Variants in LCORL observed in about 807,000 individuals in gnomAD.
LCORL encodes ligand-dependent nuclear receptor corepressor-like protein.
LCORL carries 41 observed loss-of-function variants against 141.8 expected under a neutral mutation model. That is an observed-to-expected ratio of 0.29 (90% CI 0.23 to 0.38). LCORL has a LOEUF of 0.38. Among genes scored for constraint, LCORL ranks in the 10% least tolerant of loss-of-function variants. LCORL has a pLI of 1.00. For synonymous variants in LCORL, 618 were observed against 694.1 expected (o/e 0.89, Z 1.72); for missense variants, 1,759 against 2,035.0 (o/e 0.86, Z 2.61).
exon 8 of LCORL, chr4:17,841,430 T>C (rs938723861): frequency 1.3e-5 from 2 of 152,016 alleles, no homozygotes; most frequent in African/African-American, 2.4e-5. Context: ...GTAAATTATT[T>C]AAATACCAAT....
At chr4:17,969,651 T>C (rs560143336) in intron 2 of LCORL, among the ~76,000 whole-genome samples, 23 of 152,172 alleles carry the variant, frequency 1.5e-4, no homozygotes, top group Admixed American at 4.6e-4. Context: ...AATTATATTA[T>C]CCTGAAGGAT....
intron 4 of LCORL, among the ~76,000 whole-genome samples, chr4:17,919,992 T>C (rs1435610607): frequency 2.0e-5 from 3 of 152,170 alleles, no homozygotes; most frequent in Admixed American, 6.5e-5. Context: ...AGGGAGGGCA[T>C]GGAAGCTCCA....
At chr4:17,869,856 C>A (rs897161655) in intron 7 of LCORL, among the ~76,000 whole-genome samples, 1 of 152,198 alleles carries the variant, frequency 6.6e-6, no homozygotes, top group Non-Finnish European at 1.5e-5. Flanking sequence ...CTTAGTAGAT[C>A]TTACTATCCT....
chr4:17,919,782 T>C (rs967512065), intron 4 of LCORL, among the ~76,000 whole-genome samples: 6 of 152,168 alleles, frequency 3.9e-5, no homozygotes, highest in Admixed American at 3.9e-4. Flanking sequence ...CCTGCCCTCC[T>C]TTCACCTGCC....
chr4:17,994,270 T>G (rs981953912), intron 1 of LCORL, among the ~76,000 whole-genome samples: 2 of 152,214 alleles, frequency 1.3e-5, no homozygotes, highest in African/African-American at 4.8e-5. Context: ...TGCTATTTTG[T>G]TTTATAATAT....
intron 4 of LCORL, among the ~76,000 whole-genome samples, chr4:17,943,761 C>A (rs1022879868): frequency 8.5e-5 from 13 of 152,172 alleles, no homozygotes; most frequent in Non-Finnish European, 1.6e-4. Context: ...ATAAAGAATA[C>A]AGAATCATAG....
At chr4:17,877,326 C>A (rs778277153) in exon 7 of LCORL, 9 of 1,229,316 alleles carry the variant, frequency 7.3e-6, no homozygotes, top group Non-Finnish European at 9.1e-6. Context: ...ATAATCACTG[C>A]TAGATAATTT....
At chr4:17,992,231 G>A (rs1051105887) in intron 1 of LCORL, among the ~76,000 whole-genome samples, 3 of 152,166 alleles carry the variant, frequency 2.0e-5, no homozygotes, top group Non-Finnish European at 4.4e-5. Context: ...TCTTCATATG[G>A]CAGCAGGAGA....
At chr4:17,980,501 T>C (rs1204211287) in intron 1 of LCORL, among the ~76,000 whole-genome samples, 1 of 152,208 alleles carries the variant, frequency 6.6e-6, no homozygotes, top group African/African-American at 2.4e-5. Context: ...TAAACAGCCA[T>C]GAAAACACAA....
intron 1 of LCORL, among the ~76,000 whole-genome samples, chr4:17,984,678 G>A (rs1252675578): frequency 6.6e-6 from 1 of 151,604 alleles, no homozygotes; most frequent in Non-Finnish European, 1.5e-5. Flanking sequence ...TATCTAGCTA[G>A]TGACGTATTT....
intron 1 of LCORL, among the ~76,000 whole-genome samples, chr4:17,990,917 G>C (rs1004136428): frequency 6.6e-6 from 1 of 152,092 alleles, no homozygotes; most frequent in African/African-American, 2.4e-5. Context: ...AAGGCATTTT[G>C]TATGGGGGCA....
chr4:17,989,625 A>G (rs887390853), intron 1 of LCORL, among the ~76,000 whole-genome samples: 28 of 152,232 alleles, frequency 1.8e-4, no homozygotes, highest in African/African-American at 5.1e-4. Context: ...ATATCTTCAT[A>G]TATGTCCAAA....
chr4:17,860,616 G>A (rs1303592313), intron 7 of LCORL, among the ~76,000 whole-genome samples: 1 of 152,064 alleles, frequency 6.6e-6, no homozygotes, highest in African/African-American at 2.4e-5. Context: ...AACCAATCAT[G>A]CCTTCCCAAC....
At chr4:17,897,213 C>CTTTTTTTTTTTTTTTTT (rs761784734) in intron 5 of LCORL, among the ~76,000 whole-genome samples, 1 of 63,996 alleles carries the variant, frequency 1.6e-5, no homozygotes, top group African/African-American at 5.8e-5. Context: ...ATACTGATTT[C>CTTTTTTTTTTTTTTTTT]TTTTTTTTTT....
At chr4:17,920,281 GA>G (rs1734079857) in intron 4 of LCORL, among the ~76,000 whole-genome samples, 1 of 152,174 alleles carries the variant, frequency 6.6e-6, no homozygotes, top group Non-Finnish European at 1.5e-5. Context: ...TCTGGTCACA[GA>G]AGTCTTTTTC....
chr4:17,956,685 C>T (rs762153413), intron 4 of LCORL, among the ~76,000 whole-genome samples: 1 of 151,848 alleles, frequency 6.6e-6, no homozygotes, highest in Non-Finnish European at 1.5e-5. Context: ...TGGGTACAAA[C>T]CTACACAGTT....
chr4:17,870,107 T>C (rs1726160343), intron 7 of LCORL, among the ~76,000 whole-genome samples: 1 of 152,152 alleles, frequency 6.6e-6, no homozygotes, highest in East Asian at 1.9e-4. Flanking sequence ...TCCTATTTTA[T>C]GCCTCAGTTC....
At chr4:17,868,222 C>T (rs1725914093) in intron 7 of LCORL, among the ~76,000 whole-genome samples, 1 of 152,072 alleles carries the variant, frequency 6.6e-6, no homozygotes, top group African/African-American at 2.4e-5. Flanking sequence ...CCATCAGTTA[C>T]AAACCTGTGT....
chr4:17,866,659 G>A (rs1725698598), intron 7 of LCORL, among the ~76,000 whole-genome samples: 1 of 151,964 alleles, frequency 6.6e-6, no homozygotes, highest in African/African-American at 2.4e-5. Context: ...AAAAAAAAGT[G>A]GCAAGATGAA....
Sources: allele counts gnomAD v4.1 joint callset (sites outside exome capture counted in the v4.1 genomes callset), GRCh38; gene constraint gnomAD v4.1.1; transcripts MANE v1.5; gene names NCBI Gene and HGNC (gene_info 2026-07-23, HGNC 2026-07-21).